Variants in RABEP1 observed in about 807,000 individuals in gnomAD.
RABEP1 encodes the protein rabaptin, RAB GTPase binding effector protein 1.
A neutral mutation model predicts 123.4 loss-of-function variants in RABEP1; 51 were observed. That is an observed-to-expected ratio of 0.41 (90% confidence interval 0.33 to 0.52). The LOEUF is 0.52. Among genes scored for constraint, RABEP1 ranks in the 20% least tolerant of loss-of-function variants. RABEP1 has a pLI of 0.16. For synonymous variants in RABEP1, 347 were observed against 355.2 expected, an observed-to-expected ratio of 0.98 and a Z score of 0.26; for missense variants, 888 against 996.3, an observed-to-expected ratio of 0.89 and a Z score of 1.46.
At chr17:5,283,368 C>T (rs1204955321) in intron 1 of RABEP1, among the ~76,000 whole-genome samples, 1 of 151,936 alleles carries the variant, frequency 6.6e-6, no homozygotes, top group Admixed American at 6.6e-5. Context: ...AAAAAGGGCC[C>T]CATCCTAAAT....
intron 8 of RABEP1, among the ~76,000 whole-genome samples, chr17:5,358,793 G>C (rs938611616): frequency 2.0e-5 from 3 of 152,074 alleles, no homozygotes; most frequent in Non-Finnish European, 2.9e-5. Flanking sequence ...TCTCGTTCTT[G>C]CCACCCAGGC....
intron 1 of RABEP1, among the ~76,000 whole-genome samples, chr17:5,291,664 T>C (rs1411368088): frequency 6.6e-6 from 1 of 152,160 alleles, no homozygotes; most frequent in African/African-American, 2.4e-5. Flanking sequence ...TCTCAGCTCT[T>C]TGGGAGTCTG....
chr17:5,363,089 C>G lies in RABEP1; in HGVS notation c.1668+73C>G, dbSNP rs1046771756. On this transcript the variant is annotated intron_variant, in intron 10 of 17. Coordinates refer to ENST00000537505, the MANE Select transcript of RABEP1 (RefSeq NM_004703.6). ...GAGGTGCAGAATTAATTGCCCCCCTCTCCGGCCCCAGCCCCATTTACATTA... is the reference window on the plus strand; with the variant it reads ...GAGGTGCAGAATTAATTGCCCCCCTGTCCGGCCCCAGCCCCATTTACATTA... The G allele has an allele frequency of 1.0e-5, 11 of 1,102,850 alleles. No individual in the cohort carries two copies. In the East Asian group the frequency reaches 2.7e-4, roughly 27 times the overall value. 68.3% of individuals were successfully genotyped at this position (1,102,850 alleles called of 1,614,324 possible).
intron 1 of RABEP1, among the ~76,000 whole-genome samples, chr17:5,307,420 T>C (rs1297627467): frequency 1.3e-5 from 2 of 152,192 alleles, no homozygotes; most frequent in African/African-American, 2.4e-5. Flanking sequence ...TAAAATCAGC[T>C]CTCAATTAAA....
chr17:5,378,143 T>G, intron 14 of RABEP1, 34 bp from the exon 15 acceptor site: 1 of 1,487,014 alleles, frequency 6.7e-7, no homozygotes, highest in African/African-American at 1.4e-5. Context: ...CAATAATAGA[T>G]GAATGCTAAT....
Position 5,332,101 on chromosome 17 carries a change from G to A in RABEP1, c.316G>A (p.Val106Met), listed in dbSNP as rs1415328649. 5 of 1,614,014 alleles carry A rather than the reference G, an allele frequency of 3.1e-6. No individual in the cohort carries two copies. In the South Asian group the frequency reaches 3.3e-5, roughly 11 times the overall value. Residue 106 changes from valine to methionine, a missense_variant, in exon 3 of 18, where the codon GTG becomes ATG. Physicochemically the swap from Val to Met is conservative, Grantham distance 21. Transcript: ENST00000537505. Reference protein sequence around the residue: ...ENTKQEAIDEVKRQWREEVAS... With the variant: ...ENTKQEAIDEMKRQWREEVAS... ...CACCAAGCAAGAAGCTATAGATGAAGTGAAAAGACAGTGGAGAGAAGAAGT... is the reference window on the plus strand; with the variant it reads ...CACCAAGCAAGAAGCTATAGATGAAATGAAAAGACAGTGGAGAGAAGAAGT...
At chr17:5,307,871 T>C (rs1597339564) in intron 1 of RABEP1, among the ~76,000 whole-genome samples, 1 of 152,320 alleles carries the variant, frequency 6.6e-6, no homozygotes, top group Admixed American at 6.5e-5. Flanking sequence ...TTCTGTATCC[T>C]CTCTATGAAT....
chr17:5,333,743 C>G (rs927577844), intron 3 of RABEP1, among the ~76,000 whole-genome samples: 14 of 152,134 alleles, frequency 9.2e-5, no homozygotes, highest in African/African-American at 3.1e-4. Context: ...TCAACAATGC[C>G]TCAAACTCCT....
At position 5,338,012 on chromosome 17, in the gene RABEP1, A is replaced by G; in HGVS notation, c.529-7A>G. 1.2e-6 allele frequency: 2 copies of G among 1,601,014 alleles called. No homozygotes were observed. Among genetic ancestry groups the G allele is most frequent in the South Asian group, 1.1e-5 (1 of 88,266 alleles). On this transcript the variant is annotated splice_region_variant and splice_polypyrimidine_tract_variant and intron_variant, in intron 4 of 17. Transcript: ENST00000537505. ...AAGTCGTAGCATTTAATTCTTTTTA[A>G]CCATAGGCCCAAGAGGATGCTGAGA...
chr17:5,377,490 AAAT>A (rs1245117595), intron 14 of RABEP1, among the ~76,000 whole-genome samples, 185 bp downstream of exon 14: 1 of 151,842 alleles, frequency 6.6e-6, no homozygotes, highest in Admixed American at 6.6e-5. Flanking sequence ...TGATATAGTC[AAAT>A]AATCAGAAAT....
chr17:5,308,888 A>G (rs1309211629), intron 2 of RABEP1, 66 bp downstream of exon 2: 29 of 1,394,824 alleles, frequency 2.1e-5, no homozygotes, highest in East Asian at 9.8e-5. Flanking sequence ...GTTTCTTGGT[A>G]GTAGTGTTAA....
At chr17:5,342,646 A>G in intron 5 of RABEP1, among the ~76,000 whole-genome samples, 1 of 152,318 alleles carries the variant, frequency 6.6e-6, no homozygotes, top group East Asian at 1.9e-4. Flanking sequence ...GTATCCCCAA[A>G]TTTTTAAATT....
intron 1 of RABEP1, among the ~76,000 whole-genome samples, chr17:5,287,546 C>T (rs1241336121): frequency 8.1e-6 from 1 of 122,814 alleles, no homozygotes; most frequent in Non-Finnish European, 1.6e-5. Flanking sequence ...TTGCAGTGGG[C>T]GAAGATCATG....
At chr17:5,371,097 G>C (rs1910495346) in intron 12 of RABEP1, 2 of 152,190 alleles carry the variant, frequency 1.3e-5, no homozygotes, top group Non-Finnish European at 2.9e-5. Flanking sequence ...CTCTGGAGTA[G>C]CTGGGACTAC....
chr17:5,369,141 CA>C (rs112983859), intron 12 of RABEP1, among the ~76,000 whole-genome samples: 7 of 152,018 alleles, frequency 4.6e-5, no homozygotes, highest in South Asian at 2.1e-4. Context: ...ATTAGTTTCA[CA>C]GGGGTTATGA....
chr17:5,339,558 GA>G (rs1339513670), intron 5 of RABEP1, among the ~76,000 whole-genome samples: 2 of 152,036 alleles, frequency 1.3e-5, no homozygotes, highest in Non-Finnish European at 2.9e-5. Context: ...AGCACTTTGG[GA>G]GGCTGAGGTG....
intron 2 of RABEP1, among the ~76,000 whole-genome samples, chr17:5,319,673 A>G (rs1190248922): frequency 6.6e-6 from 1 of 152,108 alleles, no homozygotes; most frequent in Non-Finnish European, 1.5e-5. Context: ...TACCAGAGAA[A>G]TTTAACAAGG....
intron 13 of RABEP1, 57 bp downstream of exon 13, chr17:5,373,511 G>A (rs1910701162): frequency 7.9e-6 from 12 of 1,513,614 alleles, no homozygotes; most frequent in South Asian, 1.3e-5. Context: ...TGAAATGGCC[G>A]TATGTTCTTT....
intron 13 of RABEP1, 127 bp downstream of exon 13, chr17:5,373,581 A>T (rs1182105608): frequency 2.7e-6 from 3 of 1,102,978 alleles, no homozygotes; most frequent in Non-Finnish European, 3.8e-6. Flanking sequence ...AAAATGTACC[A>T]TTCAGTGGTT....
Sources: allele counts gnomAD v4.1 joint callset (sites outside exome capture counted in the v4.1 genomes callset), GRCh38; gene constraint gnomAD v4.1.1; transcripts MANE v1.5; gene names NCBI Gene and HGNC (gene_info 2026-07-23, HGNC 2026-07-21).